Variants in SSBP2 observed in about 807,000 individuals in gnomAD.
SSBP2 encodes the protein single-stranded DNA-binding protein 2.
SSBP2 carries 17 observed loss-of-function variants against 61.8 expected under a neutral mutation model. The ratio of observed to expected loss-of-function variants is 0.28; its 90% CI spans 0.19 to 0.41. The LOEUF is 0.41. SSBP2 is among the 10% of genes least tolerant of loss of function. SSBP2 has a pLI of 1.00. For missense variants in SSBP2, 310 were observed against 458.7 expected (o/e 0.68, Z 2.96); for synonymous variants, 139 against 141.3 (o/e 0.98, Z 0.12).
chr5:81,666,248 G>C (rs565342696), intron 1 of SSBP2, among the ~76,000 whole-genome samples: 1 of 152,158 alleles, frequency 6.6e-6, no homozygotes, highest in Non-Finnish European at 1.5e-5. Context: ...ATGAGTTTTA[G>C]AGAAATAGAT....
intron 4 of SSBP2, among the ~76,000 whole-genome samples, chr5:81,608,101 T>G (rs1051488235): frequency 6.6e-6 from 1 of 152,154 alleles, no homozygotes; most frequent in Non-Finnish European, 1.5e-5. Flanking sequence ...TTATCTTTAC[T>G]ACTTCATTAA....
At chr5:81,630,860 T>C (rs188468678) in intron 3 of SSBP2, among the ~76,000 whole-genome samples, 2 of 150,568 alleles carry the variant, frequency 1.3e-5, no homozygotes, top group Admixed American at 6.6e-5. Context: ...TGAGAAAGCA[T>C]GTAAAAGAGA....
intron 4 of SSBP2, among the ~76,000 whole-genome samples, chr5:81,571,651 A>G (rs1258804487): frequency 1.3e-5 from 2 of 152,190 alleles, no homozygotes; most frequent in Non-Finnish European, 2.9e-5. Context: ...TATAACATTC[A>G]GATACATAAA....
intron 10 of SSBP2, among the ~76,000 whole-genome samples, chr5:81,459,806 T>C (rs1226937683): frequency 6.6e-6 from 1 of 152,210 alleles, no homozygotes; most frequent in Non-Finnish European, 1.5e-5. Flanking sequence ...AAGTAAACTC[T>C]TGTAAAGCAT....
chr5:81,576,354 A>T (rs906051508), intron 4 of SSBP2, among the ~76,000 whole-genome samples: 1 of 152,168 alleles, frequency 6.6e-6, no homozygotes, highest in Non-Finnish European at 1.5e-5. Flanking sequence ...GTATATCATA[A>T]CTTACATATA....
At chr5:81,663,316 T>C (rs1750847634) in intron 1 of SSBP2, among the ~76,000 whole-genome samples, 1 of 152,198 alleles carries the variant, frequency 6.6e-6, no homozygotes, top group South Asian at 2.1e-4. Flanking sequence ...ATGTATATAA[T>C]ACGACTATAT....
At chr5:81,652,215 T>G (rs1350041436) in intron 1 of SSBP2, among the ~76,000 whole-genome samples, 1 of 152,206 alleles carries the variant, frequency 6.6e-6, no homozygotes, top group Admixed American at 6.5e-5. Flanking sequence ...CATCTGTGGC[T>G]GTGTCCTTTC....
intron 4 of SSBP2, among the ~76,000 whole-genome samples, chr5:81,596,230 C>T (rs1581127374): frequency 6.6e-6 from 1 of 151,816 alleles, no homozygotes; most frequent in Non-Finnish European, 1.5e-5. Flanking sequence ...AGTGAACTCC[C>T]ATTCACAATT....
intron 4 of SSBP2, among the ~76,000 whole-genome samples, chr5:81,532,169 T>C (rs1053255409): frequency 1.2e-4 from 18 of 152,144 alleles, no homozygotes; most frequent in African/African-American, 4.1e-4. Flanking sequence ...GTTTATTTGA[T>C]GAAAAAAATG....
chr5:81,522,796 GAGAACC>G (rs1477518299), intron 4 of SSBP2, among the ~76,000 whole-genome samples: 1 of 151,980 alleles, frequency 6.6e-6, no homozygotes, highest in Non-Finnish European at 1.5e-5. Context: ...TCACAGTCTG[GAGAACC>G]AGTATCATTC....
At chr5:81,484,194 C>T (rs76306634) in intron 6 of SSBP2, among the ~76,000 whole-genome samples, 6 of 152,026 alleles carry the variant, frequency 3.9e-5, no homozygotes, top group East Asian at 3.8e-4. Context: ...TATATGGCAA[C>T]GTATTCTATG....
chr5:81,640,088 G>A (rs1000523501), intron 2 of SSBP2, among the ~76,000 whole-genome samples: 4 of 152,136 alleles, frequency 2.6e-5, no homozygotes, highest in Admixed American at 6.5e-5. Context: ...AGTGGCTCAC[G>A]CCTGTAATCC....
chr5:81,642,892 A>G (rs1388961940), intron 2 of SSBP2, among the ~76,000 whole-genome samples: 2 of 152,254 alleles, frequency 1.3e-5, no homozygotes, highest in African/African-American at 2.4e-5. Flanking sequence ...ATGTACATAC[A>G]TAAATATATA....
At chr5:81,730,540 A>G (rs1756194303) in intron 1 of SSBP2, among the ~76,000 whole-genome samples, 1 of 152,204 alleles carries the variant, frequency 6.6e-6, no homozygotes, top group African/African-American at 2.4e-5. Flanking sequence ...ATGTTTACAT[A>G]GTCAAAAACA....
intron 4 of SSBP2, among the ~76,000 whole-genome samples, chr5:81,584,574 G>A (rs1774924380): frequency 6.6e-6 from 1 of 152,088 alleles, no homozygotes; most frequent in South Asian, 2.1e-4. Context: ...GAAAACACAG[G>A]AAACAAAGGC....
chr5:81,507,246 C>G (rs1055180054), intron 5 of SSBP2, among the ~76,000 whole-genome samples: 3 of 152,152 alleles, frequency 2.0e-5, no homozygotes. Flanking sequence ...TCTACTATAT[C>G]AGAGTTTCAT....
chr5:81,571,515 G>A (rs1226722710), intron 4 of SSBP2, among the ~76,000 whole-genome samples: 1 of 151,988 alleles, frequency 6.6e-6, no homozygotes, highest in Non-Finnish European at 1.5e-5. Context: ...AACTTATAAT[G>A]ACCTAAAACT....
At chr5:81,553,280 G>C (rs911202462) in intron 4 of SSBP2, among the ~76,000 whole-genome samples, 1 of 151,980 alleles carries the variant, frequency 6.6e-6, no homozygotes, top group African/African-American at 2.4e-5. Flanking sequence ...ATTTTCTCTA[G>C]ACAAGTTAAA....
intron 10 of SSBP2, among the ~76,000 whole-genome samples, chr5:81,454,290 A>T (rs1199180358): frequency 1.3e-5 from 2 of 152,218 alleles, no homozygotes; most frequent in East Asian, 3.8e-4. Context: ...ATGGCACTAG[A>T]GGAAAGTTCC....
Sources: gnomAD v4.1 joint callset for allele counts (sites outside exome capture counted in the v4.1 genomes callset) on GRCh38, gnomAD v4.1.1 for gene constraint, MANE v1.5 for transcripts, NCBI Gene and HGNC (gene_info 2026-07-23, HGNC 2026-07-21) for gene names.